Variants in TTLL6 observed in about 807,000 individuals in gnomAD.
TTLL6 encodes tubulin polyglutamylase TTLL6.
A neutral mutation model predicts 96.4 loss-of-function variants in TTLL6; 75 were observed. That is an observed-to-expected ratio of 0.78 (90% CI 0.65 to 0.94). The LOEUF is 0.94. Among genes scored for constraint, TTLL6 ranks in the 40% least tolerant of loss-of-function variants. TTLL6 has a pLI of 0.00. For missense variants in TTLL6, 1,030 were observed against 1,093.0 expected (o/e 0.94, Z 0.81); for synonymous variants, 411 against 419.4 (o/e 0.98, Z 0.24).
At chr17:48,776,829 G>T (rs1283699840) in intron 13 of TTLL6, among the ~76,000 whole-genome samples, 1 of 152,070 alleles carries the variant, frequency 6.6e-6, no homozygotes, top group Non-Finnish European at 1.5e-5. Flanking sequence ...CAGAATCCCA[G>T]TGTGCTTTTT....
intron 8 of TTLL6, among the ~76,000 whole-genome samples, chr17:48,795,839 C>T (rs2039307370): frequency 1.3e-5 from 2 of 152,194 alleles, no homozygotes; most frequent in Admixed American, 1.3e-4. Context: ...CTCCTCCTCC[C>T]AGCCTCCCAG....
intron 12 of TTLL6, 140 bp downstream of exon 12, chr17:48,786,024 C>T (rs1268828867): frequency 1.7e-5 from 22 of 1,281,580 alleles, no homozygotes; most frequent in South Asian, 4.4e-5. Flanking sequence ...CTCCCCGCAC[C>T]GCCCCGTCGT....
At chr17:48,773,766 T>C (rs1382848837) in intron 13 of TTLL6, among the ~76,000 whole-genome samples, 1 of 151,724 alleles carries the variant, frequency 6.6e-6, no homozygotes, top group African/African-American at 2.4e-5. Flanking sequence ...AAAGTCTTAA[T>C]AGTCTAAGGT....
intron 1 of TTLL6, among the ~76,000 whole-genome samples, chr17:48,807,082 T>A (rs1032206639): frequency 6.6e-6 from 1 of 151,824 alleles, no homozygotes; most frequent in East Asian, 1.9e-4. Context: ...AATTTCTTTT[T>A]TTGTTGTTGT....
chr17:48,768,335 A>G (rs1438233995), intron 15 of TTLL6, among the ~76,000 whole-genome samples: 2 of 152,094 alleles, frequency 1.3e-5, no homozygotes, highest in Non-Finnish European at 2.9e-5. Flanking sequence ...CAGTGGCACA[A>G]TCTCAGCTCA....
At position 48,786,256 on chromosome 17, in the gene TTLL6, ATT is replaced by A; in HGVS notation, c.1667_1668del (p.Glu556ValfsTer44). On this transcript the variant is annotated frameshift_variant, in exon 12 of 16. Coordinates refer to ENST00000393382, the MANE Select transcript of TTLL6 (RefSeq NM_001130918.3). LOFTEE classifies it high-confidence loss of function. Reference sequence around the variant, plus strand: ...TTCTTTCTCACTTGCTCGCCTGCCGATTCCCCCTGCATCTCTACCTTCTTCTT... The same window carrying A: ...TTCTTTCTCACTTGCTCGCCTGCCGACCCCCTGCATCTCTACCTTCTTCTT... ...QMKKKVEMQG[E>X]SAGEQVRKKG... 1 of 1,614,022 alleles carries A rather than the reference ATT, an allele frequency of 6.2e-7. No individual in the cohort carries two copies.
At chr17:48,806,914 C>T (rs1199083657) in intron 1 of TTLL6, among the ~76,000 whole-genome samples, 1 of 151,582 alleles carries the variant, frequency 6.6e-6, no homozygotes, top group Non-Finnish European at 1.5e-5. Flanking sequence ...TCCATAATCC[C>T]AGCTACTCGG....
intron 13 of TTLL6, among the ~76,000 whole-genome samples, chr17:48,772,076 TCAAAA>T (rs1038383789): frequency 4.7e-5 from 7 of 149,826 alleles, no homozygotes; most frequent in South Asian, 4.2e-4. Flanking sequence ...AGATTCTATC[TCAAAA>T]CAAAACAAAA....
intron 15 of TTLL6, among the ~76,000 whole-genome samples, chr17:48,764,171 T>C (rs1473959907): frequency 6.6e-6 from 1 of 152,098 alleles, no homozygotes; most frequent in Non-Finnish European, 1.5e-5. Context: ...ATAGGTTGTT[T>C]ATCCCCTAGA....
rs71369215 is a variant in TTLL6, at chr17:48,777,011, GACAC to G, written c.2041-6918_2041-6915del. Among the ~76,000 whole-genome samples the G allele has an allele frequency of 2.2e-3, 314 of 141,438 alleles. 2 individuals are homozygous for G. Among genetic ancestry groups the G allele is most frequent in the East Asian group, 0.012 (57 of 4,918 alleles). 92.8% of individuals were successfully genotyped at this position (141,438 alleles called of 152,430 possible). A position where few individuals can be genotyped will look rare whatever the true frequency, so the allele number is the denominator to read the frequency against. On this transcript the variant is annotated intron_variant, in intron 13 of 15. Coordinates refer to ENST00000393382, the MANE Select transcript of TTLL6 (RefSeq NM_001130918.3). The stretch of plus-strand genomic sequence containing the variant: ...ACAATGTGGTATTGGCATAAGGATA[GACAC>G]ACACACACACACACACACACACACA...
At chr17:48,793,549 C>T (rs927612574) in intron 8 of TTLL6, among the ~76,000 whole-genome samples, 3 of 150,850 alleles carry the variant, frequency 2.0e-5, no homozygotes, top group African/African-American at 4.9e-5. Flanking sequence ...GAGCCGGGAT[C>T]GCGCCATTGC....
At chr17:48,787,756 A>T in intron 11 of TTLL6, 55 bp downstream of exon 11, 2 of 1,540,158 alleles carry the variant, frequency 1.3e-6, no homozygotes, top group Admixed American at 3.6e-5. Flanking sequence ...CAGCCAATAG[A>T]TCACACACAA....
chr17:48,795,921 G>T, intron 8 of TTLL6, 140 bp downstream of exon 8: 1 of 622,242 alleles, frequency 1.6e-6, no homozygotes, highest in Non-Finnish European at 2.8e-6. Context: ...GTTCTGGGTT[G>T]CGAGGCAAAG....
In TTLL6 at chr17:48,783,434, ATT is replaced by A. The variant is rs1483311704; in HGVS notation, c.2040+1487_2040+1488del. ...AGTGAATATTTTTTATTTAAAAAAT[ATT>A]GTTTTTTTTTTTTTAGATAGAGTCT... is the stretch of plus-strand genomic sequence containing the variant. On this transcript the variant is annotated intron_variant, in intron 13 of 15. Transcript: ENST00000393382. 4.6e-4 allele frequency among the ~76,000 whole-genome samples: 25 copies of A among 53,888 alleles called. No individual in the cohort carries two copies. The Admixed American group carries it at 7.7e-3, about 17-fold the overall frequency. The allele number at this position is 53,888 out of a possible 152,430, so 35.4% of individuals were successfully genotyped here.
At chr17:48,768,818 A>G (rs1261891870) in intron 15 of TTLL6, among the ~76,000 whole-genome samples, 171 bp downstream of exon 15, 1 of 152,234 alleles carries the variant, frequency 6.6e-6, no homozygotes, top group Non-Finnish European at 1.5e-5. Context: ...CTGGGATTAT[A>G]GGCATGAGCC....
chr17:48,774,443 C>G (rs910638391), intron 13 of TTLL6, among the ~76,000 whole-genome samples: 1 of 151,270 alleles, frequency 6.6e-6, no homozygotes, highest in Admixed American at 6.6e-5. Flanking sequence ...GGATTACAGG[C>G]GTGAGCCACT....
chr17:48,788,671 C>A (rs1373616524), intron 10 of TTLL6, among the ~76,000 whole-genome samples: 1 of 152,188 alleles, frequency 6.6e-6, no homozygotes, highest in Non-Finnish European at 1.5e-5. Context: ...ACTCACTGGG[C>A]TCTGGGTCCA....
chr17:48,772,729 CAAAAAAA>C (rs34457188), intron 13 of TTLL6, among the ~76,000 whole-genome samples: 1 of 62,676 alleles, frequency 1.6e-5, no homozygotes, highest in African/African-American at 5.5e-5. Flanking sequence ...GACTCCGTCT[CAAAAAAA>C]AAAAAAAAAA....
chr17:48,778,503 C>T (rs1035183068), intron 13 of TTLL6, among the ~76,000 whole-genome samples: 10 of 151,758 alleles, frequency 6.6e-5, no homozygotes, highest in African/African-American at 2.4e-4. Context: ...AACAATCCTA[C>T]CCAAAAAGGA....
Sources: gnomAD v4.1 joint callset for allele counts (sites outside exome capture counted in the v4.1 genomes callset) on GRCh38, gnomAD v4.1.1 for gene constraint, MANE v1.5 for transcripts, NCBI Gene and HGNC (gene_info 2026-07-23, HGNC 2026-07-21) for gene names.